Variants in ASH1L observed in about 807,000 individuals in gnomAD.
ASH1L encodes histone-lysine N-methyltransferase ASH1L.
Under a neutral mutation model 269.0 loss-of-function variants are expected in ASH1L, and 23 were observed. The ratio of observed to expected loss-of-function variants is 0.09; its 90% CI spans 0.06 to 0.12. The LOEUF is 0.12. Ranked by LOEUF, ASH1L falls within the 10% of genes least tolerant of loss-of-function variation. ASH1L has a pLI of 1.00. For synonymous variants in ASH1L, 1,187 were observed against 1,253.5 expected (o/e 0.95, Z 1.12); for missense variants, 2,912 against 3,567.8 (o/e 0.82, Z 4.68).
chr1:155,408,314 A>T (rs1259504832), intron 6 of ASH1L, among the ~76,000 whole-genome samples: 2 of 152,194 alleles, frequency 1.3e-5, no homozygotes, highest in East Asian at 3.8e-4. Context: ...AGCAATATAA[A>T]ATTTATACAC....
intron 9 of ASH1L, 53 bp from the exon 10 acceptor site, chr1:155,378,442 T>C: frequency 6.2e-7 from 1 of 1,609,220 alleles, no homozygotes; most frequent in Non-Finnish European, 8.5e-7. Context: ...ATTTTTCAAG[T>C]GCTAGGCTCA....
intron 7 of ASH1L, among the ~76,000 whole-genome samples, chr1:155,384,991 T>C (rs1299538715): frequency 6.6e-6 from 1 of 152,200 alleles, no homozygotes; most frequent in Non-Finnish European, 1.5e-5. Context: ...GAGTAATATG[T>C]ATTATTCTAT....
rs373212416 is a variant in ASH1L at position 155,336,795 on chromosome 1, G to T, written c.*865C>A. 2.6e-5 allele frequency: 4 copies of T among 152,286 alleles called. No individual in the cohort carries two copies. In the South Asian group the frequency reaches 8.3e-4, roughly 31 times the overall value. 9.4% of individuals were successfully genotyped at this position (152,286 alleles called of 1,614,324 possible). The stretch of plus-strand genomic sequence containing the variant: ...GTAGTGACTTTTGTTGCAGGGGTGG[G>T]TTTAGAGTTCTTTTTATGTAGGTTT... On this transcript the variant is annotated 3_prime_UTR_variant, in exon 28 of 28. Transcript: ENST00000392403.
At chr1:155,416,725 G>A (rs1660240307) in intron 5 of ASH1L, among the ~76,000 whole-genome samples, 1 of 151,142 alleles carries the variant, frequency 6.6e-6, no homozygotes, top group Admixed American at 6.6e-5. Flanking sequence ...TAGTAGAGAC[G>A]GTTTTTAGTT....
chr1:155,481,946 C>T lies in ASH1L; in HGVS notation c.924G>A (p.Leu308=). ...TGAATACCGCTGTAGTGCCAGTTCC[C>T]AGTTTTTTCACAGAGTCCTTATTGA... ...GLVNKDSVKK[L]GTGTTAVFIN... Residue 308 remains leucine (L), a synonymous_variant, in exon 3 of 28, where the codon CTG becomes CTA. Coordinates refer to ENST00000392403, the MANE Select transcript of ASH1L (RefSeq NM_018489.3). 5.0e-6 allele frequency: 8 copies of T among 1,613,904 alleles called. No individual in the cohort carries two copies. Among genetic ancestry groups the T allele is most frequent in the Non-Finnish European group, 6.8e-6 (8 of 1,179,982 alleles).
chr1:155,430,018 C>CT (rs1186629597), intron 5 of ASH1L, among the ~76,000 whole-genome samples: 1 of 151,874 alleles, frequency 6.6e-6, no homozygotes, highest in Non-Finnish European at 1.5e-5. Context: ...CTCTGTCGCC[C>CT]AGGCTGGAGC....
At chr1:155,559,950 T>C (rs1048467085) in intron 1 of ASH1L, among the ~76,000 whole-genome samples, 4 of 152,192 alleles carry the variant, frequency 2.6e-5, no homozygotes, top group African/African-American at 9.6e-5. Context: ...AACAAAGCCA[T>C]AGATACTTGT....
intron 2 of ASH1L, among the ~76,000 whole-genome samples, chr1:155,484,837 G>A (rs1033558635): frequency 4.1e-5 from 6 of 146,000 alleles, no homozygotes; most frequent in Admixed American, 2.8e-4. Flanking sequence ...GCTAAGGTAT[G>A]AGAATTGCTT....
chr1:155,520,451 T>C (rs559955056), intron 2 of ASH1L: 1 of 152,336 alleles, frequency 6.6e-6, no homozygotes, highest in East Asian at 1.9e-4. Flanking sequence ...AATCACTGAA[T>C]TTAAATGGGC....
At position 155,343,801 on chromosome 1, in the gene ASH1L, G is replaced by A. The variant is rs1233705744; in HGVS notation, c.7982-59C>T. The A allele has an allele frequency of 3.1e-6, 5 of 1,588,980 alleles. No individual in the cohort carries two copies. The African/African-American group carries it at 4.0e-5, about 13-fold the overall frequency. ...ACAATTCTTGTATGAATTCTGTTAG[G>A]CATCTGTTTATCTGACTCAGGGTCT... On this transcript the variant is annotated intron_variant, in intron 22 of 27. Coordinates refer to ENST00000392403, the MANE Select transcript of ASH1L (RefSeq NM_018489.3). The surrounding 1 kb of genome is among the most constrained non-coding windows in gnomAD (Gnocchi z 6.1).
At chr1:155,452,712 G>A (rs1195042879) in intron 4 of ASH1L, among the ~76,000 whole-genome samples, 8 of 151,898 alleles carry the variant, frequency 5.3e-5, no homozygotes, top group Non-Finnish European at 1.2e-4. Context: ...GCGTGACCAT[G>A]TCTGGCTAAT....
At chr1:155,428,913 G>A (rs182327676) in intron 5 of ASH1L, among the ~76,000 whole-genome samples, 1 of 152,232 alleles carries the variant, frequency 6.6e-6, no homozygotes, top group Non-Finnish European at 1.5e-5. Flanking sequence ...TGTGAGACCC[G>A]ATTTCCCACT....
chr1:155,401,077 T>A (rs932774904), intron 6 of ASH1L, among the ~76,000 whole-genome samples: 2 of 151,862 alleles, frequency 1.3e-5, no homozygotes, highest in African/African-American at 4.8e-5. Context: ...ACGAGAATCA[T>A]TTGAACCAGG....
intron 3 of ASH1L, among the ~76,000 whole-genome samples, chr1:155,467,939 T>C (rs1382788485): frequency 6.6e-6 from 1 of 152,002 alleles, no homozygotes; most frequent in Non-Finnish European, 1.5e-5. Context: ...TTACCCAACA[T>C]CCCCCAATGT....
In ASH1L at chr1:155,562,790, C is replaced by G. The variant is rs1427165989; in HGVS notation, c.-737G>C. ...GCCCTCACGCGTACCTTCAACGGCG[C>G]AAGCCCAAGCCTCCTCCTCCTCCTC... On this transcript the variant is annotated 5_prime_UTR_variant, in exon 1 of 28. Transcript: ENST00000392403. 1.4e-6 allele frequency: 1 copy of G among 690,586 alleles called. No homozygotes were observed. The highest frequency in any genetic ancestry group is 2.5e-6 in the Non-Finnish European group (1 of 397,444). The allele number at this position is 690,586 out of a possible 1,614,324, so 42.8% of individuals were successfully genotyped here. A position where few individuals can be genotyped will look rare whatever the true frequency, so the allele number is the denominator to read the frequency against.
intron 6 of ASH1L, among the ~76,000 whole-genome samples, chr1:155,412,591 C>T (rs1256851732): frequency 6.6e-6 from 1 of 152,102 alleles, no homozygotes; most frequent in Admixed American, 6.6e-5. Flanking sequence ...TATAACAAAC[C>T]AGTAAATGGA....
In ASH1L at chr1:155,408,582, CG is replaced by C. The variant is rs1442239945; in HGVS notation, c.6008+7161del. Reference sequence around the variant, plus strand: ...ACAAAAAACTAAATCCTCACTACTCCGAACAGCAGAAAGCAGGGAAGTGCTC... The same window carrying C: ...ACAAAAAACTAAATCCTCACTACTCCAACAGCAGAAAGCAGGGAAGTGCTC... On this transcript the variant is annotated intron_variant, in intron 6 of 27. Coordinates refer to ENST00000392403, the MANE Select transcript of ASH1L (RefSeq NM_018489.3). Among the ~76,000 whole-genome samples the C allele has an allele frequency of 3.9e-5, 6 of 152,148 alleles. No individual in the cohort carries two copies. The East Asian group carries it at 1.2e-3, about 29-fold the overall frequency.
At chr1:155,418,887 G>A (rs1487179642) in intron 5 of ASH1L, among the ~76,000 whole-genome samples, 1 of 151,468 alleles carries the variant, frequency 6.6e-6, no homozygotes, top group East Asian at 1.9e-4. Context: ...GGCTAACACG[G>A]CGAAACCCCG....
intron 1 of ASH1L, among the ~76,000 whole-genome samples, chr1:155,523,322 C>T (rs952471364): frequency 2.0e-5 from 3 of 152,008 alleles, no homozygotes; most frequent in African/African-American, 7.2e-5. Flanking sequence ...TGGCAAAATC[C>T]TGTCTCTAAA....
Sources: allele counts gnomAD v4.1 joint callset (sites outside exome capture counted in the v4.1 genomes callset), GRCh38; gene constraint gnomAD v4.1.1; non-coding constraint Gnocchi (gnomAD v3.1); transcripts MANE v1.5; gene names NCBI Gene and HGNC (gene_info 2026-07-23, HGNC 2026-07-21).